HERC2: variants seen among roughly 807,000 people sequenced by gnomAD.
The protein encoded by HERC2 is HECT and RLD domain containing E3 ubiquitin protein ligase 2.
Under a neutral mutation model 537.7 loss-of-function variants are expected in HERC2, and 102 were observed. The ratio of observed to expected loss-of-function variants is 0.19; its 90% CI spans 0.16 to 0.22. The LOEUF (loss-of-function observed/expected upper bound fraction) is 0.22, where lower values mean the gene tolerates loss of function less well. HERC2 is among the 10% of genes least tolerant of loss of function. HERC2 has a pLI of 1.00. For synonymous variants in HERC2, 2,224 were observed against 2,466.2 expected, an observed-to-expected ratio of 0.90 and a Z score of 2.91; for missense variants, 4,236 against 6,198.2, an observed-to-expected ratio of 0.68 and a Z score of 10.63.
intron 3 of HERC2, among the ~76,000 whole-genome samples, chr15:28,295,301 A>ATG (rs1491115827): frequency 6.0e-5 from 1 of 16,696 alleles, no homozygotes; most frequent in Non-Finnish European, 1.0e-4. Flanking sequence ...TCTGTCCTAC[A>ATG]TGTGTGTGGG....
intron 2 of HERC2, among the ~76,000 whole-genome samples, chr15:28,308,924 C>T (rs1305959811): frequency 4.6e-5 from 7 of 152,340 alleles, no homozygotes; most frequent in African/African-American, 7.2e-5. Context: ...ATCTTTCTAA[C>T]GTATTGCTGA....
Position 28,116,649 on chromosome 15 carries a change from C to T in HERC2, c.13609+16G>A, listed in dbSNP as rs560645406. 81 of 1,595,838 alleles carry T rather than the reference C, an allele frequency of 5.1e-5. No individual in the cohort carries two copies. In the South Asian group the frequency reaches 8.0e-4, roughly 16 times the overall value. On this transcript the variant is annotated intron_variant, in intron 88 of 92. Transcript: ENST00000261609. ...CAGGCCACAGCGACACAGTCTCAAG[C>T]GGCCGAGAAGCTCACCCAGGAAGCG...
chr15:28,198,892 A>C, intron 48 of HERC2, 123 bp from the exon 49 acceptor site: 1 of 924,900 alleles, frequency 1.1e-6, no homozygotes. Flanking sequence ...TCACGTCTGT[A>C]ATCCTAGCAC....
At chr15:28,296,285 C>T (rs1475035216) in intron 3 of HERC2, among the ~76,000 whole-genome samples, 3 of 152,130 alleles carry the variant, frequency 2.0e-5, no homozygotes, top group Admixed American at 2.0e-4. Context: ...ACCAGCCTGA[C>T]CAAGATGGTG....
At position 28,272,348 on chromosome 15, in the gene HERC2, C is replaced by G. The variant is rs2075756194; in HGVS notation, c.950G>C (p.Trp317Ser). Reference protein sequence around the residue: ...LSAILLLLQLWDSGAQETDNE... With the variant: ...LSAILLLLQLSDSGAQETDNE... ...GTCAGTCTCCTGTGCCCCGCTGTCC[C>G]ACAGCTGAAGCAACAACAGGATGGC... Residue 317 changes from tryptophan to serine, a missense_variant, in exon 9 of 93, where the codon TGG becomes TCG. Coordinates refer to ENST00000261609, the MANE Select transcript of HERC2 (RefSeq NM_004667.6). The G allele has an allele frequency of 6.2e-7, 1 of 1,612,448 alleles. No individual in the cohort carries two copies. The highest frequency in any genetic ancestry group is 8.5e-7 in the Non-Finnish European group (1 of 1,179,192).
intron 7 of HERC2, 85 bp from the exon 8 acceptor site, chr15:28,273,089 G>T: frequency 2.2e-6 from 2 of 917,406 alleles, no homozygotes; most frequent in Non-Finnish European, 3.6e-6. Flanking sequence ...TTTACTACAC[G>T]CTCCCTCCAA....
At position 28,116,807 on chromosome 15, in the gene HERC2, G is replaced by A; in HGVS notation, c.13467C>T (p.Ile4489=). ...GGGYSESIAE[I]CEELQNGLTP... is the part of the protein sequence containing the mutation. ...TGAGTCCGTTCTGCAGCTCCTCACA[G>A]ATCTCAGCTATGGACTCGCTGTAGC... Residue 4489 remains isoleucine, a synonymous_variant, in exon 88 of 93, where the codon ATC becomes ATT. Coordinates refer to ENST00000261609, the MANE Select transcript of HERC2 (RefSeq NM_004667.6). The A allele has an allele frequency of 6.2e-7, 1 of 1,613,884 alleles. No homozygotes were observed. Among genetic ancestry groups the A allele is most frequent in the South Asian group, 1.1e-5 (1 of 91,078 alleles).
chr15:28,200,650 G>A (rs765447337), intron 48 of HERC2, among the ~76,000 whole-genome samples: 19 of 152,194 alleles, frequency 1.2e-4, no homozygotes, highest in Non-Finnish European at 2.2e-4. Context: ...AATCTTGGTT[G>A]TATCCAAGTT....
At position 28,191,823 on chromosome 15, in the gene HERC2, T is replaced by A. The variant is rs777421778; in HGVS notation, c.8451+138A>T. 4.6e-6 allele frequency: 3 copies of A among 648,434 alleles called. No individual in the cohort carries two copies. In the African/African-American group the frequency reaches 5.5e-5, roughly 12 times the overall value. 40.2% of individuals were successfully genotyped at this position (648,434 alleles called of 1,614,324 possible). ...ATATAACTCTAACTTTGAAATAACT[T>A]ATAAATTAAAACATAACGTGAGTAC... On this transcript the variant is annotated intron_variant, in intron 53 of 92. Coordinates refer to ENST00000261609, the MANE Select transcript of HERC2 (RefSeq NM_004667.6).
At position 28,135,598 on chromosome 15, in the gene HERC2, A is replaced by C; in HGVS notation, c.12110T>G (p.Val4037Gly). The C allele has an allele frequency of 6.2e-7, 1 of 1,614,108 alleles. No homozygotes were observed. Among genetic ancestry groups the C allele is most frequent in the Non-Finnish European group, 8.5e-7 (1 of 1,179,938 alleles). Residue 4037 changes from valine (V) to glycine (G), a missense_variant, in exon 79 of 93, where the codon GTG (valine) becomes GGG (glycine). This residue lies in a region of HERC2 where 43 missense variants were observed against 82.6 expected (regional missense o/e 0.52). Transcript: ENST00000261609. ...TPTLLESIQH[V>G]FIKKVAVNSG... is the part of the protein sequence containing the mutation. ...GTTCACAGCTACTTTCTTAATAAAC[A>C]CATGCTGAATGGATTCAAGCAATGT... is the stretch of plus-strand genomic sequence containing the variant.
chr15:28,186,547 A>C, intron 56 of HERC2, 30 bp downstream of exon 56: 1 of 1,585,810 alleles, frequency 6.3e-7, no homozygotes, highest in Non-Finnish European at 8.6e-7. Context: ...AGCGGGAGGT[A>C]AGTGAGCACC....
At position 28,214,686 on chromosome 15, in the gene HERC2, A is replaced by G. The variant is rs1395065178; in HGVS notation, c.6327T>C (p.Thr2109=). The G allele has an allele frequency of 3.7e-6, 6 of 1,611,956 alleles. No individual in the cohort carries two copies. In the Admixed American group the frequency reaches 8.3e-5, roughly 22 times the overall value. Residue 2109 remains threonine (T), a synonymous_variant, in exon 40 of 93, where the codon ACT becomes ACC. Transcript: ENST00000261609. The part of the protein sequence containing the change: ...KLFDFLGSLL[T]TCSSDVPLLR... ...GTAATGGCACGTCAGAGGAGCAGGT[A>G]GTGAGCAAGCTTCCCAAGAAGTCAA...
chr15:28,290,023 G>A (rs867995711), intron 4 of HERC2, among the ~76,000 whole-genome samples: 10 of 152,210 alleles, frequency 6.6e-5, no homozygotes, highest in East Asian at 1.9e-4. Flanking sequence ...CAAAGAGGAC[G>A]GACCTGCAGG....
At chr15:28,129,709 C>A (rs1004075045) in intron 83 of HERC2, among the ~76,000 whole-genome samples, 2 of 151,696 alleles carry the variant, frequency 1.3e-5, no homozygotes, top group African/African-American at 2.4e-5. Context: ...ACAGCAGGGG[C>A]TGAAGATGAC....
intron 25 of HERC2, 43 bp from the exon 26 acceptor site, chr15:28,237,156 A>T (rs758776632): frequency 1.2e-5 from 18 of 1,514,128 alleles, no homozygotes; most frequent in Admixed American, 3.4e-5. Flanking sequence ...AAACAGAATT[A>T]ATTAAAAACA....
At chr15:28,131,100 T>C (rs971607940) in intron 81 of HERC2, among the ~76,000 whole-genome samples, 25 of 152,128 alleles carry the variant, frequency 1.6e-4, no homozygotes, top group Admixed American at 4.6e-4. Flanking sequence ...TCATGACCTC[T>C]GTGATTGCTC....
chr15:28,311,807 G>A (rs562497845), intron 2 of HERC2, among the ~76,000 whole-genome samples: 4 of 152,142 alleles, frequency 2.6e-5, no homozygotes, highest in Admixed American at 2.6e-4. Flanking sequence ...GACTGGCTGG[G>A]CTCCACACAT....
Position 28,113,002 on chromosome 15 carries a change from G to A in HERC2, c.14232+69C>T. The A allele has an allele frequency of 1.6e-6, 2 of 1,288,690 alleles. No homozygotes were observed. The highest frequency in any genetic ancestry group is 1.9e-5 in the Admixed American group (1 of 53,888). The allele number at this position is 1,288,690 out of a possible 1,614,324, so 79.8% of individuals were successfully genotyped here. A position where few individuals can be genotyped will look rare whatever the true frequency, so the allele number is the denominator to read the frequency against. Reference sequence around the variant, plus strand: ...GTTTTCCATGTGCTGCAGGACTGTGGGTGAGGAGCCAGCCACCCACCGTCG... The same window carrying A: ...GTTTTCCATGTGCTGCAGGACTGTGAGTGAGGAGCCAGCCACCCACCGTCG... On this transcript the variant is annotated intron_variant, in intron 92 of 92. Coordinates refer to ENST00000261609, the MANE Select transcript of HERC2 (RefSeq NM_004667.6). The surrounding 1 kb of genome is among the most constrained non-coding windows in gnomAD (Gnocchi z 7.0).
intron 89 of HERC2, chr15:28,115,182 G>T: frequency 1.9e-6 from 1 of 515,216 alleles, no homozygotes; most frequent in South Asian, 3.1e-5. Flanking sequence ...CAAAAGCTCA[G>T]CTTCTTCACA....
Sources: allele counts gnomAD v4.1 joint callset (sites outside exome capture counted in the v4.1 genomes callset), GRCh38; gene constraint gnomAD v4.1.1; regional missense constraint gnomAD v4.1.1; non-coding constraint Gnocchi (gnomAD v3.1); transcripts MANE v1.5; gene names NCBI Gene and HGNC (gene_info 2026-07-23, HGNC 2026-07-21).